The following TGM4 variants were observed in gnomAD, a reference collection of about 807,000 sequenced individuals.
TGM4 encodes the protein transglutaminase 4, also known as protein-glutamine gamma-glutamyltransferase 4.
A neutral mutation model predicts 76.3 loss-of-function variants in TGM4; 61 were observed. That is an observed-to-expected ratio of 0.80 (90% CI 0.65 to 0.99). TGM4 has a LOEUF of 0.99. Among genes scored for constraint, TGM4 ranks in the 50% least tolerant of loss-of-function variants. The pLI is 0.00. For missense variants in TGM4, 794 were observed against 843.2 expected, an observed-to-expected ratio of 0.94 and a Z score of 0.72; for synonymous variants, 337 against 329.8, an observed-to-expected ratio of 1.02 and a Z score of -0.24.
At chr3:44,874,775 G>T in intron 1 of TGM4, 78 bp downstream of exon 1, 8 of 1,573,780 alleles carry the variant, frequency 5.1e-6, no homozygotes, top group Non-Finnish European at 7.0e-6. Context: ...TGCCTCTGCC[G>T]GGTGCCTGGG....
intron 6 of TGM4, among the ~76,000 whole-genome samples, chr3:44,900,087 C>T (rs1253491456): frequency 6.6e-6 from 1 of 152,190 alleles, no homozygotes. Context: ...GGGATAGAGC[C>T]TCGTGCATCA....
intron 4 of TGM4, among the ~76,000 whole-genome samples, chr3:44,893,236 C>A (rs1406539114): frequency 6.6e-6 from 1 of 152,192 alleles, no homozygotes; most frequent in African/African-American, 2.4e-5. Flanking sequence ...TAGCCCCTGG[C>A]ATTTCCTGTA....
At chr3:44,910,054 A>G (rs886340541) in intron 10 of TGM4, 36 bp from the exon 11 acceptor site, 2 of 1,595,218 alleles carry the variant, frequency 1.3e-6, no homozygotes, top group African/African-American at 1.3e-5. Context: ...TCCTTGAAGG[A>G]GCACCTGAAG....
intron 3 of TGM4, chr3:44,889,170 T>TAA (rs546432543): frequency 0.036 from 1,457 of 40,236 alleles, 212 homozygotes; most frequent in East Asian, 0.073. Context: ...CCATCTCTAC[T>TAA]AAAAAAAAAA....
At chr3:44,882,522 A>G (rs1699548191) in intron 1 of TGM4, among the ~76,000 whole-genome samples, 1 of 152,232 alleles carries the variant, frequency 6.6e-6, no homozygotes, top group Non-Finnish European at 1.5e-5. Flanking sequence ...AGAAGCCTCC[A>G]GTGGAGAATC....
At position 44,890,610 on chromosome 3, in the gene TGM4, T is replaced by C. The variant is rs763513840; in HGVS notation, c.308T>C (p.Val103Ala). The change falls in exon 4 of 14, where the codon GTG becomes GCG. Residue 103 changes from valine (V) to alanine (A), a missense_variant. Transcript: ENST00000296125. ...ATCTTATGGTTTGCTCAGGTCACAG[T>C]GGCTGTCACCAGTTCCCCCAATGCC... ...LQNESGKEVT[V>A]AVTSSPNAIL... 2.3e-5 allele frequency: 37 copies of C among 1,613,984 alleles called. No homozygotes were observed. The highest frequency in any genetic ancestry group is 2.9e-5 in the Non-Finnish European group (34 of 1,179,982).
At chr3:44,883,624 C>G (rs79010805) in intron 1 of TGM4, among the ~76,000 whole-genome samples, 2,985 of 152,362 alleles carry the variant, frequency 0.02, 50 homozygotes, top group Middle Eastern at 0.065. Flanking sequence ...GAAGGTAGGT[C>G]TGTCTGCCAG....
At chr3:44,878,876 G>A (rs973058927) in intron 1 of TGM4, among the ~76,000 whole-genome samples, 3 of 152,058 alleles carry the variant, frequency 2.0e-5, no homozygotes, top group African/African-American at 4.8e-5. Context: ...TCACCTCTTC[G>A]CTGCTGCTCC....
At chr3:44,877,073 G>A (rs1021067588) in intron 1 of TGM4, among the ~76,000 whole-genome samples, 1 of 152,312 alleles carries the variant, frequency 6.6e-6, no homozygotes, top group South Asian at 2.1e-4. Flanking sequence ...GGGAGGCTGA[G>A]GTAGGAGGAT....
At chr3:44,887,650 C>T in intron 2 of TGM4, 39 bp from the exon 3 acceptor site, 1 of 1,596,064 alleles carries the variant, frequency 6.3e-7, no homozygotes, top group South Asian at 1.1e-5. Flanking sequence ...TTGGGGGTGG[C>T]CCATGGCTGG....
intron 9 of TGM4, among the ~76,000 whole-genome samples, chr3:44,905,843 C>T (rs1699915468): frequency 6.7e-6 from 1 of 148,326 alleles, no homozygotes; most frequent in African/African-American, 2.5e-5. Context: ...CCCCCGCATA[C>T]TCTGCAGGAA....
Position 44,890,446 on chromosome 3 carries a change from C to T in TGM4, c.301-157C>T, listed in dbSNP as rs368087967. The T allele has an allele frequency of 2.4e-4, 241 of 1,005,978 alleles. 1 individual carries two copies. In the African/African-American group the frequency reaches 3.0e-3, roughly 13 times the overall value. The allele number at this position is 1,005,978 out of a possible 1,614,324, so 62.3% of individuals were successfully genotyped here. Reference sequence around the variant, plus strand: ...CTCATGCATCCTGCCCTTGCAGGGGCGCTCCTGGCTGTCCAGGGTCCTGAC... The same window carrying T: ...CTCATGCATCCTGCCCTTGCAGGGGTGCTCCTGGCTGTCCAGGGTCCTGAC... On this transcript the variant is annotated intron_variant, in intron 3 of 13. Transcript: ENST00000296125.
chr3:44,898,785 G>A (rs1383208126), intron 6 of TGM4, among the ~76,000 whole-genome samples: 1 of 152,220 alleles, frequency 6.6e-6, no homozygotes, highest in African/African-American at 2.4e-5. Flanking sequence ...AGGGGCTGAT[G>A]GGATTACCGG....
chr3:44,883,277 G>A (rs1317472516), intron 1 of TGM4, among the ~76,000 whole-genome samples: 1 of 152,204 alleles, frequency 6.6e-6, no homozygotes, highest in Non-Finnish European at 1.5e-5. Flanking sequence ...CCAATGTGGT[G>A]ATACTAAGAG....
chr3:44,876,762 A>T (rs1699456524), intron 1 of TGM4, among the ~76,000 whole-genome samples: 2 of 152,232 alleles, frequency 1.3e-5, no homozygotes, highest in Non-Finnish European at 2.9e-5. Context: ...AAAATTAAAA[A>T]TATGTGTAAG....
intron 10 of TGM4, among the ~76,000 whole-genome samples, chr3:44,909,222 C>T (rs1212778375): frequency 6.6e-6 from 1 of 152,212 alleles, no homozygotes; most frequent in African/African-American, 2.4e-5. Context: ...TCTGCCTTCA[C>T]TTCTTGCTTG....
intron 10 of TGM4, among the ~76,000 whole-genome samples, chr3:44,907,899 C>T (rs1298701834): frequency 1.3e-5 from 2 of 152,160 alleles, no homozygotes; most frequent in Non-Finnish European, 2.9e-5. Context: ...ATAGCATCCT[C>T]AAAGGGTGCA....
chr3:44,905,018 CTT>C (rs1329664312), intron 9 of TGM4, among the ~76,000 whole-genome samples: 1 of 146,890 alleles, frequency 6.8e-6, no homozygotes, highest in East Asian at 2.1e-4. Context: ...GAGTTTCACT[CTT>C]GTTACCCAGG....
At chr3:44,887,912 C>G (rs1699635176) in intron 3 of TGM4, 117 bp downstream of exon 3, 10 of 846,968 alleles carry the variant, frequency 1.2e-5, no homozygotes, top group Non-Finnish European at 1.4e-5. Context: ...TAAAGCCATC[C>G]ACAGCACAGC....
Sources: allele counts gnomAD v4.1 joint callset (sites outside exome capture counted in the v4.1 genomes callset), GRCh38; gene constraint gnomAD v4.1.1; transcripts MANE v1.5; gene names NCBI Gene and HGNC (gene_info 2026-07-23, HGNC 2026-07-21).